MCTP1: variants seen among roughly 807,000 people sequenced by gnomAD.
MCTP1 encodes multiple C2 and transmembrane domain-containing protein 1.
MCTP1 carries 69 observed loss-of-function variants against 120.6 expected under a neutral mutation model. The ratio of observed to expected loss-of-function variants is 0.57; its 90% CI spans 0.47 to 0.70. The LOEUF (loss-of-function observed/expected upper bound fraction) is 0.70. MCTP1 is among the 30% of genes least tolerant of loss of function. The pLI is 0.00. For missense variants in MCTP1, 1,203 were observed against 1,248.8 expected (o/e 0.96, Z 0.55); for synonymous variants, 529 against 493.1 (o/e 1.07, Z -0.96).
At chr5:95,052,362 C>G (rs939249399) in intron 1 of MCTP1, among the ~76,000 whole-genome samples, 5 of 152,122 alleles carry the variant, frequency 3.3e-5, no homozygotes, top group Non-Finnish European at 7.3e-5. Context: ...GGATAAGACC[C>G]AGGAATTTGC....
chr5:95,111,862 C>T (rs1191360759), intron 1 of MCTP1, among the ~76,000 whole-genome samples: 1 of 152,064 alleles, frequency 6.6e-6, no homozygotes, highest in Non-Finnish European at 1.5e-5. Flanking sequence ...TGTAATGTCT[C>T]TCCCTTTATC....
chr5:94,897,603 G>T (rs897617401), intron 10 of MCTP1, among the ~76,000 whole-genome samples: 1 of 152,120 alleles, frequency 6.6e-6, no homozygotes, highest in Admixed American at 6.5e-5. Flanking sequence ...GACCTCAAAT[G>T]ATCCGCCCAC....
chr5:94,732,939 T>C (rs1334318028), intron 19 of MCTP1, among the ~76,000 whole-genome samples: 1 of 152,164 alleles, frequency 6.6e-6, no homozygotes, highest in African/African-American at 2.4e-5. Context: ...TTCAAATCAT[T>C]CAGGTATGGT....
At chr5:94,940,059 C>T in intron 5 of MCTP1, 25 bp downstream of exon 5, 2 of 1,355,186 alleles carry the variant, frequency 1.5e-6, no homozygotes, top group Non-Finnish European at 2.1e-6. Flanking sequence ...AGAAAGAGCT[C>T]CTACTAGGCT....
At chr5:95,000,618 A>C (rs957638129) in intron 2 of MCTP1, among the ~76,000 whole-genome samples, 2 of 152,182 alleles carry the variant, frequency 1.3e-5, no homozygotes, top group Admixed American at 6.5e-5. Context: ...TGGAATAAGG[A>C]TATAAAGGTA....
At chr5:94,987,575 C>T (rs1830646091) in intron 2 of MCTP1, among the ~76,000 whole-genome samples, 1 of 152,106 alleles carries the variant, frequency 6.6e-6, no homozygotes, top group South Asian at 2.1e-4. Flanking sequence ...AAGACAGCTT[C>T]AGTTGGCACA....
chr5:94,982,680 G>A (rs1829658526), intron 2 of MCTP1, among the ~76,000 whole-genome samples: 1 of 151,978 alleles, frequency 6.6e-6, no homozygotes, highest in Non-Finnish European at 1.5e-5. Flanking sequence ...CCTGAAGTCA[G>A]GAGTTCAAGA....
Position 94,704,683 on chromosome 5 carries a change from TC to T in MCTP1, c.*2812del, listed in dbSNP as rs1173042357. On this transcript the variant is annotated 3_prime_UTR_variant, in exon 23 of 23. Coordinates refer to ENST00000515393, the MANE Select transcript of MCTP1 (RefSeq NM_024717.7). ...TATACAATCATTGGTTTGACCGTTG[TC>T]TATAACAGGGTCATACAGTTGGTAT... 18 of 151,398 alleles carry T rather than the reference TC, an allele frequency of 1.2e-4. No homozygotes were observed. The highest frequency in any genetic ancestry group is 3.4e-3 in the Middle Eastern group (1 of 294). 9.4% of individuals were successfully genotyped at this position (151,398 alleles called of 1,614,324 possible). A position where few individuals can be genotyped will look rare whatever the true frequency, so the allele number is the denominator to read the frequency against.
intron 17 of MCTP1, among the ~76,000 whole-genome samples, chr5:94,806,526 G>A (rs1327174302): frequency 6.6e-6 from 1 of 152,098 alleles, no homozygotes; most frequent in Non-Finnish European, 1.5e-5. Context: ...GCAGGACTGG[G>A]CCATTCACAT....
At chr5:95,252,537 T>A (rs1172878658) in intron 1 of MCTP1, among the ~76,000 whole-genome samples, 1 of 152,092 alleles carries the variant, frequency 6.6e-6, no homozygotes, top group East Asian at 1.9e-4. Context: ...AGGGAAGGGG[T>A]AGAAATCTTT....
chr5:94,999,815 T>G (rs1417621837), intron 2 of MCTP1, among the ~76,000 whole-genome samples: 1 of 152,174 alleles, frequency 6.6e-6, no homozygotes, highest in Non-Finnish European at 1.5e-5. Context: ...TTTGGTAAAG[T>G]ATCACCTCCT....
At chr5:94,771,726 G>A (rs1774126045) in intron 19 of MCTP1, among the ~76,000 whole-genome samples, 1 of 152,170 alleles carries the variant, frequency 6.6e-6, no homozygotes, top group Non-Finnish European at 1.5e-5. Flanking sequence ...TTAAAATACA[G>A]TATTGTTTGG....
At chr5:95,027,009 G>A (rs1227634499) in intron 1 of MCTP1, among the ~76,000 whole-genome samples, 1 of 152,156 alleles carries the variant, frequency 6.6e-6, no homozygotes, top group Non-Finnish European at 1.5e-5. Flanking sequence ...CCTGTACAGT[G>A]AAATATCCAT....
chr5:94,862,009 T>C (rs1795903763), intron 17 of MCTP1, among the ~76,000 whole-genome samples: 1 of 151,822 alleles, frequency 6.6e-6, no homozygotes, highest in Non-Finnish European at 1.5e-5. Flanking sequence ...ATGAGAAAGC[T>C]AATTCTTAGA....
chr5:95,245,228 C>A (rs574039674), intron 1 of MCTP1, among the ~76,000 whole-genome samples: 1 of 152,268 alleles, frequency 6.6e-6, no homozygotes, highest in South Asian at 2.1e-4. Flanking sequence ...AGAAACCAGA[C>A]CAGAAAAGCT....
chr5:95,183,684 C>T (rs1326405233), intron 1 of MCTP1, among the ~76,000 whole-genome samples: 9 of 151,724 alleles, frequency 5.9e-5, no homozygotes, highest in South Asian at 2.1e-4. Flanking sequence ...AAGATTGAGC[C>T]GACATTCGCC....
At chr5:95,253,764 T>G (rs115817261) in intron 1 of MCTP1, among the ~76,000 whole-genome samples, 2,985 of 152,202 alleles carry the variant, frequency 0.02, 95 homozygotes, top group African/African-American at 0.067. Context: ...TTTCATTACA[T>G]ATGAATCCTA....
chr5:95,135,016 A>G (rs1051941374), intron 1 of MCTP1, among the ~76,000 whole-genome samples: 2 of 145,504 alleles, frequency 1.4e-5, no homozygotes, highest in Non-Finnish European at 3.0e-5. Flanking sequence ...AAAAAAAAAA[A>G]AAAAAAAAAA....
chr5:94,793,437 T>C (rs564639390), intron 18 of MCTP1: 1 of 152,200 alleles, frequency 6.6e-6, no homozygotes, highest in Admixed American at 6.5e-5. Flanking sequence ...AGAAAACTGC[T>C]GTTGAAATAA....
Sources: allele counts gnomAD v4.1 joint callset (sites outside exome capture counted in the v4.1 genomes callset), GRCh38; gene constraint gnomAD v4.1.1; transcripts MANE v1.5; gene names NCBI Gene and HGNC (gene_info 2026-07-23, HGNC 2026-07-21).